KLF8: variants seen among roughly 807,000 people sequenced by gnomAD.
KLF8 encodes Krueppel-like factor 8.
A neutral mutation model predicts 18.2 loss-of-function variants in KLF8; 10 were observed. The observed-to-expected ratio is 0.55, with a 90% CI of 0.34 to 0.93. The LOEUF (loss-of-function observed/expected upper bound fraction) is 0.93, where lower values mean the gene tolerates loss of function less well. KLF8 is among the 40% of genes least tolerant of loss of function. KLF8 has a pLI of 0.02. For missense variants in KLF8, 264 were observed against 277.9 expected, an observed-to-expected ratio of 0.95 and a Z score of 0.36; for synonymous variants, 109 against 97.3, an observed-to-expected ratio of 1.12 and a Z score of -0.71.
the KLF8 span, among the ~76,000 whole-genome samples, chrX:56,209,672 G>C: frequency 9.0e-6 from 1 of 111,373 alleles, no homozygotes; most frequent in African/African-American, 3.3e-5. Context: ...ATTTTATTAT[G>C]TGTTTTCTGT....
the KLF8 span, among the ~76,000 whole-genome samples, chrX:55,937,169 C>G: frequency 2.7e-5 from 3 of 110,734 alleles, no homozygotes; most frequent in African/African-American, 9.9e-5. Flanking sequence ...ACTCCTCTGA[C>G]ACAAAACTTC....
chrX:56,052,588 G>A, the KLF8 span, among the ~76,000 whole-genome samples: 4 of 111,917 alleles, frequency 3.6e-5, no homozygotes, highest in East Asian at 2.8e-4. Context: ...CCGGGGGTCA[G>A]GGGTCAAGGA....
Position 56,243,283 on chromosome X carries a change from G to A in KLF8, c.8-6948G>A, listed in dbSNP as rs754484478. 17 of 403,869 alleles carry A rather than the reference G, an allele frequency of 4.2e-5. No homozygotes were observed. In the East Asian group the frequency reaches 8.4e-4, roughly 20 times the overall value. 33.3% of individuals were successfully genotyped at this position (403,869 alleles called of 1,213,427 possible). On this transcript the variant is annotated intron_variant, in intron 1 of 5. Coordinates refer to ENST00000468660, the MANE Select transcript of KLF8 (RefSeq NM_007250.5). The stretch of plus-strand genomic sequence containing the variant: ...TGGGCCGCTGGAAGGTGAGGGGTGT[G>A]TGGATCTTCTTTTTTGTGTGTGTGG...
chrX:56,000,483 G>A, the KLF8 span, among the ~76,000 whole-genome samples: 1 of 82,463 alleles, frequency 1.2e-5, no homozygotes, highest in African/African-American at 3.9e-5. Flanking sequence ...CTTGGGGGGG[G>A]GGGGAGGGAT....
At chrX:56,160,237 C>A in the KLF8 span, among the ~76,000 whole-genome samples, 1 of 111,931 alleles carries the variant, frequency 8.9e-6, no homozygotes, top group Admixed American at 9.6e-5. Context: ...AGTTTGATTG[C>A]ACTGTGGTCT....
the KLF8 span, among the ~76,000 whole-genome samples, chrX:56,116,158 G>A: frequency 8.9e-6 from 1 of 112,967 alleles, no homozygotes; most frequent in African/African-American, 3.2e-5. Context: ...GCGTGAAACT[G>A]CTTTGGCAGT....
the KLF8 span, among the ~76,000 whole-genome samples, chrX:55,964,199 C>T: frequency 9.0e-6 from 1 of 111,198 alleles, no homozygotes; most frequent in Admixed American, 9.6e-5. Flanking sequence ...ACCATCACAC[C>T]TAGAGGAACT....
the KLF8 span, among the ~76,000 whole-genome samples, chrX:55,944,842 G>C: frequency 9.9e-5 from 11 of 110,967 alleles, no homozygotes; most frequent in Middle Eastern, 4.6e-3. Flanking sequence ...CAGTTCTGCT[G>C]TGATCTTAGT....
chrX:55,939,762 A>G, the KLF8 span, among the ~76,000 whole-genome samples: 1 of 112,016 alleles, frequency 8.9e-6, no homozygotes, highest in Admixed American at 9.5e-5. Flanking sequence ...ACGCAAATAA[A>G]CTAGAAAATC....
Position 56,288,370 on chromosome X carries a change from T to C in KLF8, c.*3876T>C, listed in dbSNP as rs1179611236. On this transcript the variant is annotated 3_prime_UTR_variant, in exon 6 of 6. Coordinates refer to ENST00000468660, the MANE Select transcript of KLF8 (RefSeq NM_007250.5). ...CTTGTTTTCAGTGACCTTGACACTT[T>C]TGAGAGAGATTTTCCTCAACTGGGA... Among the ~76,000 whole-genome samples the C allele has an allele frequency of 1.8e-5, 2 of 111,950 alleles. No homozygotes were observed. Among genetic ancestry groups the C allele is most frequent in the East Asian group, 5.6e-4 (2 of 3,577 alleles).
the KLF8 span, among the ~76,000 whole-genome samples, chrX:56,220,790 G>A: frequency 1.8e-5 from 2 of 112,626 alleles, no homozygotes; most frequent in Non-Finnish European, 3.7e-5. Context: ...GCCCAGCCCA[G>A]ATACTGAAGT....
At chrX:55,947,640 T>TAA in the KLF8 span, among the ~76,000 whole-genome samples, 3 of 109,580 alleles carry the variant, frequency 2.7e-5, no homozygotes, top group African/African-American at 1.0e-4. Context: ...AGTATAGTAA[T>TAA]AAAAAAAATG....
chrX:56,179,716 G>T, the KLF8 span, among the ~76,000 whole-genome samples: 1 of 111,594 alleles, frequency 9.0e-6, no homozygotes, highest in African/African-American at 3.3e-5. Flanking sequence ...GTTGAATTTT[G>T]TCAAAGGCCT....
chrX:56,082,585 C>T, the KLF8 span, among the ~76,000 whole-genome samples: 4 of 109,602 alleles, frequency 3.6e-5, no homozygotes, highest in African/African-American at 1.3e-4. Context: ...AAAAAGTAAG[C>T]ATTTACAGCT....
rs906353311 is a variant in KLF8, at chrX:56,286,834, C to T, written c.*2340C>T. 1.6e-4 allele frequency: 18 copies of T among 111,695 alleles called. No homozygotes were observed. Among genetic ancestry groups the T allele is most frequent in the Admixed American group, 1.1e-3 (12 of 10,510 alleles). The allele number at this position is 111,695 out of a possible 1,213,427, so 9.2% of individuals were successfully genotyped here. On this transcript the variant is annotated 3_prime_UTR_variant, in exon 6 of 6. Coordinates refer to ENST00000468660, the MANE Select transcript of KLF8 (RefSeq NM_007250.5). ...GCATAATAATTGCTAACGCACTAGG[C>T]GATATCTAGGGCCAGTCTGTTAAAG... is the stretch of plus-strand genomic sequence containing the variant.
chrX:56,223,855 A>G, the KLF8 span, among the ~76,000 whole-genome samples: 6 of 112,334 alleles, frequency 5.3e-5, no homozygotes, highest in Non-Finnish European at 1.1e-4. Flanking sequence ...CTATTTCTGA[A>G]GGCTTTTTTG....
chrX:55,979,348 T>C, the KLF8 span, among the ~76,000 whole-genome samples: 5 of 111,917 alleles, frequency 4.5e-5, no homozygotes, highest in South Asian at 1.9e-3. Flanking sequence ...TCCTAGTTGC[T>C]TAACAGCTTT....
the KLF8 span, among the ~76,000 whole-genome samples, chrX:55,980,339 G>A: frequency 8.9e-6 from 1 of 111,871 alleles, no homozygotes; most frequent in Non-Finnish European, 1.9e-5. Context: ...CATCAACTTC[G>A]CTGAGCTTCA....
At chrX:56,070,603 G>T in the KLF8 span, among the ~76,000 whole-genome samples, 1 of 110,909 alleles carries the variant, frequency 9.0e-6, no homozygotes, top group Non-Finnish European at 1.9e-5. Context: ...ATAGGTAGGA[G>T]TTGAACAATG....
Sources: gnomAD v4.1 joint callset for allele counts (sites outside exome capture counted in the v4.1 genomes callset) on GRCh38, gnomAD v4.1.1 for gene constraint, MANE v1.5 for transcripts, NCBI Gene and HGNC (gene_info 2026-07-23, HGNC 2026-07-21) for gene names.